GCNT1: variants seen among roughly 807,000 people sequenced by gnomAD.
GCNT1 encodes glucosaminyl (N-acetyl) transferase 1.
GCNT1 carries 16 observed loss-of-function variants against 26.2 expected under a neutral mutation model. The ratio of observed to expected loss-of-function variants is 0.61; its 90% CI spans 0.41 to 0.93. GCNT1 has a LOEUF of 0.93. Among genes scored for constraint, GCNT1 ranks in the 40% least tolerant of loss-of-function variants. The pLI is 0.00. For synonymous variants in GCNT1, 183 were observed against 190.8 expected (o/e 0.96, Z 0.34); for missense variants, 477 against 526.7 (o/e 0.91, Z 0.92).
In GCNT1 at chr9:76,503,407, T is replaced by C. The variant is rs1173152054; in HGVS notation, c.1026T>C (p.Tyr342=). 1 of 1,614,126 alleles carries C rather than the reference T, an allele frequency of 6.2e-7. No homozygotes were observed. Among genetic ancestry groups the C allele is most frequent in the Non-Finnish European group, 8.5e-7 (1 of 1,179,998 alleles). Residue 342 remains tyrosine (Y), a synonymous_variant, in exon 4 of 4, where the codon TAT becomes TAC. Coordinates refer to ENST00000376730, the MANE Select transcript of GCNT1 (RefSeq NM_001490.5). ...VPGSLPASHK[Y]DLSDMQAVAR... ...GCTCACTCCCTGCCAGCCATAAGTA[T>C]GATCTGTCTGACATGCAAGCAGTTG...
chr9:76,394,089 C>T, the GCNT1 span: 1 of 1,603,240 alleles, frequency 6.2e-7, no homozygotes, highest in Non-Finnish European at 8.5e-7. Flanking sequence ...CCTGCTCTCA[C>T]CTGTGGGGAT....
intron 2 of GCNT1, among the ~76,000 whole-genome samples, chr9:76,470,422 G>A (rs1436321802): frequency 6.6e-6 from 1 of 151,884 alleles, no homozygotes; most frequent in East Asian, 1.9e-4. Context: ...TGGGCAATAT[G>A]GTAAAACCCC....
chr9:76,449,338 G>T (rs903549640), intron 1 of GCNT1, among the ~76,000 whole-genome samples: 1 of 151,758 alleles, frequency 6.6e-6, no homozygotes, highest in African/African-American at 2.4e-5. Flanking sequence ...CAAATAAAAT[G>T]ATAATAGTAA....
chr9:76,452,527 G>GGCCTC (rs1174166514), intron 1 of GCNT1, among the ~76,000 whole-genome samples: 1 of 152,106 alleles, frequency 6.6e-6, no homozygotes, highest in Non-Finnish European at 1.5e-5. Context: ...TGGCTTGGGA[G>GGCCTC]GCCTCAGGAA....
intron 2 of GCNT1, among the ~76,000 whole-genome samples, chr9:76,485,172 T>C (rs894676508): frequency 3.3e-5 from 5 of 152,056 alleles, no homozygotes; most frequent in Admixed American, 6.6e-5. Flanking sequence ...GTTTATTATA[T>C]GTACTTTTAT....
intron 1 of GCNT1, among the ~76,000 whole-genome samples, chr9:76,423,683 A>G (rs1054008798): frequency 3.3e-5 from 5 of 152,212 alleles, no homozygotes; most frequent in African/African-American, 1.2e-4. Flanking sequence ...AGATGATGTT[A>G]CGCTTTTTTT....
intron 3 of GCNT1, 74 bp from the exon 4 acceptor site, chr9:76,502,165 C>G: frequency 8.2e-6 from 1 of 121,588 alleles, no homozygotes; most frequent in Non-Finnish European, 1.4e-5. Flanking sequence ...AACTCTCTCT[C>G]TCTCTCTCTC....
At chr9:76,422,316 G>A (rs13295433) in intron 1 of GCNT1, among the ~76,000 whole-genome samples, 45,021 of 151,968 alleles carry the variant, frequency 0.3, 6,864 homozygotes, top group East Asian at 0.38. Flanking sequence ...AGATCCACCC[G>A]CCTCGGCCTC....
intron 2 of GCNT1, among the ~76,000 whole-genome samples, chr9:76,470,026 T>C (rs1824095994): frequency 6.6e-6 from 1 of 152,056 alleles, no homozygotes; most frequent in African/African-American, 2.4e-5. Flanking sequence ...TAAACATACT[T>C]ATATTAAGGG....
chr9:76,467,294 G>A (rs563400282), intron 2 of GCNT1, among the ~76,000 whole-genome samples: 1 of 152,122 alleles, frequency 6.6e-6, no homozygotes, highest in Admixed American at 6.5e-5. Flanking sequence ...CACCCGCCTT[G>A]GCCTCCCAAA....
chr9:76,483,399 A>AG (rs967844705), intron 2 of GCNT1, among the ~76,000 whole-genome samples: 2 of 132,142 alleles, frequency 1.5e-5, no homozygotes, highest in African/African-American at 5.4e-5. Context: ...ACTATTAAGG[A>AG]GGGGTTTTTT....
At position 76,502,844 on chromosome 9, in the gene GCNT1, G is replaced by A. The variant is rs778230598; in HGVS notation, c.463G>A (p.Asp155Asn). The A allele has an allele frequency of 6.2e-7, 1 of 1,614,060 alleles. No homozygotes were observed. Among genetic ancestry groups the A allele is most frequent in the East Asian group, 2.2e-5 (1 of 44,884 alleles). ...MPQNFYCIHV[D>N]TKSEDSYLAA... is the part of the protein sequence containing the mutation. ...TCAGAATTTCTATTGCATTCATGTG[G>A]ACACAAAATCCGAGGATTCCTATTT... Residue 155 changes from aspartate (D) to asparagine (N), a missense_variant, in exon 4 of 4, where the codon GAC becomes AAC. Coordinates refer to ENST00000376730, the MANE Select transcript of GCNT1 (RefSeq NM_001490.5).
intron 2 of GCNT1, among the ~76,000 whole-genome samples, chr9:76,475,011 A>G (rs1449195977): frequency 6.6e-6 from 1 of 152,186 alleles, no homozygotes; most frequent in East Asian, 1.9e-4. Context: ...ATCTCGGTTC[A>G]AGCGATTCTC....
the GCNT1 span, among the ~76,000 whole-genome samples, chr9:76,397,276 C>T: frequency 2.4e-4 from 36 of 151,078 alleles, no homozygotes; most frequent in Middle Eastern, 3.4e-3. Flanking sequence ...AGCAAGATTC[C>T]TTCTCAATAA....
At chr9:76,410,171 C>G in the GCNT1 span, among the ~76,000 whole-genome samples, 1 of 152,158 alleles carries the variant, frequency 6.6e-6, no homozygotes, top group Admixed American at 6.5e-5. Flanking sequence ...GTGGCTCATG[C>G]CTGTAATCTC....
At chr9:76,404,930 C>T in the GCNT1 span, among the ~76,000 whole-genome samples, 4 of 151,986 alleles carry the variant, frequency 2.6e-5, no homozygotes, top group Non-Finnish European at 4.4e-5. Context: ...ATTCTCCTGC[C>T]TCAGCCTCCC....
chr9:76,419,176 T>C (rs147903698), upstream of GCNT1, among the ~76,000 whole-genome samples: 1 of 152,286 alleles, frequency 6.6e-6, no homozygotes, highest in Non-Finnish European at 1.5e-5. Context: ...TCTCAGTGCT[T>C]AATCCCTTAT....
At chr9:76,471,053 A>G (rs961497282) in intron 2 of GCNT1, among the ~76,000 whole-genome samples, 1 of 152,210 alleles carries the variant, frequency 6.6e-6, no homozygotes. Flanking sequence ...ATGCTAACCA[A>G]CACAGTCCTT....
Position 76,504,812 on chromosome 9 carries a change from GTTTCCTCCTTTCTCAACCTTCCAC to G in GCNT1, c.*1145_*1168del, listed in dbSNP as rs910423350. ...CCGTTACCTGCCCCCTGGGTGGTAA[GTTTCCTCCTTTCTCAACCTTCCAC>G]GAGGAGGAAAGAAGTGTGCAGTCAT... On this transcript the variant is annotated 3_prime_UTR_variant, in exon 4 of 4. Transcript: ENST00000376730. 9 of 413,414 alleles carry G rather than the reference GTTTCCTCCTTTCTCAACCTTCCAC, an allele frequency of 2.2e-5. No individual in the cohort carries two copies. The highest frequency in any genetic ancestry group is 1.9e-4 in the African/African-American group (9 of 48,642). 25.6% of individuals were successfully genotyped at this position (413,414 alleles called of 1,614,324 possible).
Sources: gnomAD v4.1 joint callset for allele counts (sites outside exome capture counted in the v4.1 genomes callset) on GRCh38, gnomAD v4.1.1 for gene constraint, MANE v1.5 for transcripts, NCBI Gene and HGNC (gene_info 2026-07-23, HGNC 2026-07-21) for gene names.